Variants in CTNNA3 observed in about 807,000 individuals in gnomAD.
CTNNA3 encodes catenin alpha-3.
CTNNA3 carries 76 observed loss-of-function variants against 95.7 expected under a neutral mutation model. That is an observed-to-expected ratio of 0.79 (90% confidence interval 0.66 to 0.96). CTNNA3 has a LOEUF of 0.96. CTNNA3 is among the 40% of genes least tolerant of loss of function. The pLI, the probability that CTNNA3 is intolerant of heterozygous loss-of-function variation, is 0.00. For missense variants in CTNNA3, 1,191 were observed against 1,089.8 expected (o/e 1.09, Z -1.31); for synonymous variants, 431 against 374.4 (o/e 1.15, Z -1.74).
intron 13 of CTNNA3, among the ~76,000 whole-genome samples, chr10:66,162,843 A>C (rs894210120): frequency 6.8e-6 from 1 of 147,658 alleles, no homozygotes; most frequent in East Asian, 2.0e-4. Flanking sequence ...GGGCAGGGCT[A>C]GGCATGTCTG....
intron 7 of CTNNA3, among the ~76,000 whole-genome samples, chr10:67,078,793 G>A (rs889823031): frequency 3.3e-5 from 5 of 152,160 alleles, no homozygotes; most frequent in Admixed American, 2.6e-4. Context: ...TGAGATTACA[G>A]ATGTGAGCCA....
intron 5 of CTNNA3, among the ~76,000 whole-genome samples, chr10:67,239,723 T>C (rs1780720613): frequency 6.6e-6 from 1 of 152,160 alleles, no homozygotes; most frequent in Non-Finnish European, 1.5e-5. Context: ...TGAGCCTTCT[T>C]TTGGCAAAGG....
intron 11 of CTNNA3, among the ~76,000 whole-genome samples, chr10:66,513,991 C>A (rs1840753043): frequency 6.6e-6 from 1 of 152,100 alleles, no homozygotes; most frequent in Non-Finnish European, 1.5e-5. Flanking sequence ...TGTGGAGATG[C>A]AGCAGCAATT....
At chr10:66,741,013 T>C (rs1849309774) in intron 9 of CTNNA3, among the ~76,000 whole-genome samples, 1 of 152,238 alleles carries the variant, frequency 6.6e-6, no homozygotes, top group East Asian at 1.9e-4. Context: ...TGAAACAGAA[T>C]TTTTGTTTAA....
At chr10:67,048,568 T>A (rs1206416932) in intron 7 of CTNNA3, among the ~76,000 whole-genome samples, 1 of 152,086 alleles carries the variant, frequency 6.6e-6, no homozygotes, top group Non-Finnish European at 1.5e-5. Flanking sequence ...TTAAGGACTA[T>A]TATATACATT....
intron 3 of CTNNA3, among the ~76,000 whole-genome samples, chr10:67,573,439 T>C (rs1341878858): frequency 6.6e-6 from 1 of 152,094 alleles, no homozygotes; most frequent in Non-Finnish European, 1.5e-5. Context: ...TGTTTTCTTT[T>C]TTCACCCCCT....
At chr10:66,304,379 C>G (rs1386321138) in intron 12 of CTNNA3, among the ~76,000 whole-genome samples, 5 of 152,100 alleles carry the variant, frequency 3.3e-5, no homozygotes, top group Admixed American at 6.6e-5. Context: ...ATGGCCCTGT[C>G]CTTCAGTCCC....
At chr10:67,411,623 G>C (rs894028690) in intron 5 of CTNNA3, among the ~76,000 whole-genome samples, 3 of 152,104 alleles carry the variant, frequency 2.0e-5, no homozygotes, top group Non-Finnish European at 4.4e-5. Flanking sequence ...GTAGATCAAT[G>C]CACAGTTTTC....
intron 7 of CTNNA3, among the ~76,000 whole-genome samples, chr10:67,001,224 C>T (rs940387418): frequency 6.7e-6 from 1 of 149,568 alleles, no homozygotes; most frequent in Non-Finnish European, 1.5e-5. Flanking sequence ...TCGCTTGAAC[C>T]AGGGACTCGG....
chr10:67,485,139 A>T (rs904003938), intron 5 of CTNNA3, among the ~76,000 whole-genome samples: 2 of 152,192 alleles, frequency 1.3e-5, no homozygotes, highest in African/African-American at 4.8e-5. Context: ...ATGCAGCCAT[A>T]AAAAAGATTG....
intron 15 of CTNNA3, among the ~76,000 whole-genome samples, chr10:65,995,023 C>T (rs1021155716): frequency 6.6e-6 from 1 of 151,850 alleles, no homozygotes; most frequent in Non-Finnish European, 1.5e-5. Flanking sequence ...ATGCTTATCA[C>T]ATTGGTAAAT....
rs193103496 is a variant in CTNNA3, at chr10:66,448,287, G to C, written c.1532-68935C>G. Among the ~76,000 whole-genome samples the C allele has an allele frequency of 2.2e-4, 33 of 152,244 alleles. No individual in the cohort carries two copies. The East Asian group carries it at 6.0e-3, about 28-fold the overall frequency. On this transcript the variant is annotated intron_variant, in intron 11 of 17. Transcript: ENST00000433211. The stretch of plus-strand genomic sequence containing the variant: ...AGTGTAGTGATTCCACAGGGATCTA[G>C]AACTAGAAATATCATTTGACCCAGC...
At chr10:66,836,300 C>A (rs1842885981) in intron 7 of CTNNA3, among the ~76,000 whole-genome samples, 1 of 152,100 alleles carries the variant, frequency 6.6e-6, no homozygotes, top group South Asian at 2.1e-4. Flanking sequence ...ATTCCACAGT[C>A]CCCTGAAAGT....
At chr10:66,417,570 A>G (rs4746582) in intron 11 of CTNNA3, among the ~76,000 whole-genome samples, 15 of 151,814 alleles carry the variant, frequency 9.9e-5, no homozygotes, top group Admixed American at 8.5e-4. Flanking sequence ...CAACTGCAGA[A>G]TACACATTAT....
At chr10:67,696,504 A>G (rs1445142235), upstream of CTNNA3, among the ~76,000 whole-genome samples, 1 of 152,236 alleles carries the variant, frequency 6.6e-6, no homozygotes, top group African/African-American at 2.4e-5. Flanking sequence ...ATGTCTTCAG[A>G]ACCCTAGAGA....
intron 13 of CTNNA3, among the ~76,000 whole-genome samples, chr10:66,230,858 G>T (rs527321856): frequency 2.8e-4 from 42 of 152,222 alleles, no homozygotes; most frequent in Middle Eastern, 3.4e-3. Context: ...CTCTGCCTGG[G>T]CTCTGGTAAC....
intron 2 of CTNNA3, among the ~76,000 whole-genome samples, chr10:67,607,613 C>T (rs1843322111): frequency 6.6e-6 from 1 of 152,092 alleles, no homozygotes; most frequent in South Asian, 2.1e-4. Flanking sequence ...AGTGAACCTG[C>T]ATAGTTCAAA....
chr10:66,662,680 T>G (rs1293106946), intron 9 of CTNNA3, among the ~76,000 whole-genome samples: 4 of 152,086 alleles, frequency 2.6e-5, no homozygotes, highest in Non-Finnish European at 5.9e-5. Flanking sequence ...GTATTTCTAC[T>G]ACAATTGTTG....
intron 1 of CTNNA3, among the ~76,000 whole-genome samples, chr10:67,708,282 T>C (rs1383800791): frequency 6.6e-6 from 1 of 152,170 alleles, no homozygotes; most frequent in Non-Finnish European, 1.5e-5. Flanking sequence ...ATTGATTACT[T>C]GGTTACTTCT....
Sources: allele counts gnomAD v4.1 joint callset (sites outside exome capture counted in the v4.1 genomes callset), GRCh38; gene constraint gnomAD v4.1.1; transcripts MANE v1.5; gene names NCBI Gene and HGNC (gene_info 2026-07-23, HGNC 2026-07-21).